NCALD: variants seen among roughly 807,000 people sequenced by gnomAD.
The protein encoded by NCALD is neurocalcin-delta.
NCALD carries 10 observed loss-of-function variants against 18.6 expected under a neutral mutation model. The ratio of observed to expected loss-of-function variants is 0.54; its 90% CI spans 0.33 to 0.91. The LOEUF (loss-of-function observed/expected upper bound fraction) is 0.91. Ranked by LOEUF, NCALD falls within the 40% of genes least tolerant of loss-of-function variation. The pLI, the probability that NCALD is intolerant of heterozygous loss-of-function variation, is 0.03. For missense variants in NCALD, 184 were observed against 247.6 expected (o/e 0.74, Z 1.72); for synonymous variants, 88 against 87.4 (o/e 1.01, Z -0.04).
At chr8:101,950,212 T>C (rs1819337756) in intron 2 of NCALD, 3 of 152,364 alleles carry the variant, frequency 2.0e-5, no homozygotes, top group Admixed American at 2.0e-4. Context: ...AATGAAATTT[T>C]GGAAGCTGGA....
At chr8:102,023,312 G>A (rs140739685) in intron 1 of NCALD, among the ~76,000 whole-genome samples, 1 of 151,278 alleles carries the variant, frequency 6.6e-6, no homozygotes, top group Non-Finnish European at 1.5e-5. Context: ...ACTGTGCCGT[G>A]AAAGCACTCT....
At chr8:102,079,314 C>T (rs527322820) in intron 1 of NCALD, among the ~76,000 whole-genome samples, 8 of 152,198 alleles carry the variant, frequency 5.3e-5, no homozygotes, top group Admixed American at 1.3e-4. Flanking sequence ...AACTAGCAAA[C>T]GCATCCTGGC....
intron 2 of NCALD, among the ~76,000 whole-genome samples, chr8:101,964,034 C>T (rs1307464004): frequency 6.6e-6 from 1 of 152,128 alleles, no homozygotes; most frequent in Non-Finnish European, 1.5e-5. Flanking sequence ...CTAAAATATG[C>T]CTTTCTTTAA....
At chr8:101,893,339 G>T (rs1214251943) in intron 3 of NCALD, among the ~76,000 whole-genome samples, 1 of 150,760 alleles carries the variant, frequency 6.6e-6, no homozygotes, top group South Asian at 2.1e-4. Context: ...CACCAGGCCT[G>T]ACCTAAAAGA....
At chr8:102,083,937 G>A (rs1457678707) in intron 1 of NCALD, among the ~76,000 whole-genome samples, 1 of 152,186 alleles carries the variant, frequency 6.6e-6, no homozygotes, top group Non-Finnish European at 1.5e-5. Context: ...CAGGCACTGG[G>A]TATGTAACCT....
At chr8:101,756,512 A>T (rs1810888448) in intron 1 of NCALD, among the ~76,000 whole-genome samples, 1 of 152,184 alleles carries the variant, frequency 6.6e-6, no homozygotes, top group Non-Finnish European at 1.5e-5. Flanking sequence ...GACCAATGAG[A>T]CCTCAGCAGT....
chr8:101,761,845 G>T (rs987851190), intron 1 of NCALD, among the ~76,000 whole-genome samples: 1 of 152,186 alleles, frequency 6.6e-6, no homozygotes, highest in African/African-American at 2.4e-5. Flanking sequence ...TACAACTTCT[G>T]GGTCATACCT....
intron 2 of NCALD, among the ~76,000 whole-genome samples, chr8:101,976,370 C>CG (rs1231209055): frequency 3.9e-5 from 6 of 152,228 alleles, no homozygotes; most frequent in Admixed American, 3.9e-4. Flanking sequence ...ATTGGGGACC[C>CG]CCCGACTAAT....
At chr8:101,961,884 C>G (rs115908930) in intron 2 of NCALD, among the ~76,000 whole-genome samples, 2,465 of 152,010 alleles carry the variant, frequency 0.016, 66 homozygotes, top group African/African-American at 0.051. Flanking sequence ...TTGGCTTGGG[C>G]CACAGTGAAA....
intron 1 of NCALD, among the ~76,000 whole-genome samples, chr8:101,757,152 C>T (rs1318699659): frequency 2.0e-5 from 3 of 152,140 alleles, no homozygotes; most frequent in Non-Finnish European, 4.4e-5. Flanking sequence ...TACTGTTTAC[C>T]CACCATGGCC....
intron 3 of NCALD, among the ~76,000 whole-genome samples, chr8:101,893,267 T>C (rs997293428): frequency 4.6e-5 from 7 of 150,908 alleles, no homozygotes; most frequent in Non-Finnish European, 7.4e-5. Context: ...CAAACTAAGC[T>C]TCATAAGTGA....
intron 3 of NCALD, among the ~76,000 whole-genome samples, chr8:101,893,057 A>T (rs1182034563): frequency 6.6e-6 from 1 of 150,438 alleles, no homozygotes; most frequent in African/African-American, 2.5e-5. Flanking sequence ...AAGACACATA[A>T]TTGTCAGATT....
At chr8:102,031,273 G>A (rs894424245) in intron 1 of NCALD, among the ~76,000 whole-genome samples, 5 of 152,016 alleles carry the variant, frequency 3.3e-5, no homozygotes, top group African/African-American at 9.7e-5. Context: ...TAAACGATAA[G>A]GAAAAATAAA....
At chr8:101,772,540 C>T (rs1420707308) in intron 1 of NCALD, among the ~76,000 whole-genome samples, 1 of 152,196 alleles carries the variant, frequency 6.6e-6, no homozygotes, top group East Asian at 1.9e-4. Flanking sequence ...TATTCCTGAA[C>T]CCACTGCCCT....
intron 1 of NCALD, among the ~76,000 whole-genome samples, chr8:102,028,324 G>A (rs1004486581): frequency 3.9e-5 from 6 of 152,178 alleles, no homozygotes; most frequent in Admixed American, 6.5e-5. Flanking sequence ...GTATGACTAC[G>A]TACTATTTTC....
intron 1 of NCALD, among the ~76,000 whole-genome samples, chr8:102,040,240 TA>T (rs1246970295): frequency 1.3e-5 from 2 of 152,150 alleles, no homozygotes; most frequent in Non-Finnish European, 2.9e-5. Flanking sequence ...CTTCTTATTG[TA>T]ACATGCTACT....
At chr8:101,918,366 C>T (rs890788478) in intron 2 of NCALD, among the ~76,000 whole-genome samples, 11 of 151,990 alleles carry the variant, frequency 7.2e-5, no homozygotes, top group East Asian at 3.8e-4. Context: ...AAACCCACAG[C>T]GAATATCATA....
At chr8:101,912,336 A>C (rs1057176936) in intron 3 of NCALD, among the ~76,000 whole-genome samples, 1 of 152,194 alleles carries the variant, frequency 6.6e-6, no homozygotes, top group East Asian at 1.9e-4. Flanking sequence ...AACTTTTATA[A>C]AATGAGTTAT....
In NCALD at chr8:101,689,136, A is replaced by G; in HGVS notation, c.*173T>C. On this transcript the variant is annotated 3_prime_UTR_variant, in exon 4 of 4. Coordinates refer to ENST00000220931, the MANE Select transcript of NCALD (RefSeq NM_032041.3). This position sits in a 1 kb window ranked among gnomAD's most constrained non-coding sequence, Gnocchi z 4.4. ...GCACACTGGGGCTCTGGGCATTCCC[A>G]CGAAGCATCCACGACAAAAGAAGCT... is the stretch of plus-strand genomic sequence containing the variant. The G allele has an allele frequency of 4.2e-6, 3 of 715,454 alleles. No individual in the cohort carries two copies. The highest frequency in any genetic ancestry group is 1.5e-5 in the South Asian group (1 of 67,816). 44.3% of individuals were successfully genotyped at this position (715,454 alleles called of 1,614,324 possible).
Sources: allele counts gnomAD v4.1 joint callset (sites outside exome capture counted in the v4.1 genomes callset), GRCh38; gene constraint gnomAD v4.1.1; non-coding constraint Gnocchi (gnomAD v3.1); transcripts MANE v1.5; gene names NCBI Gene and HGNC (gene_info 2026-07-23, HGNC 2026-07-21).